Variants in DLGAP2 observed in about 807,000 individuals in gnomAD.
The protein encoded by DLGAP2 is disks large-associated protein 2.
Under a neutral mutation model 100.3 loss-of-function variants are expected in DLGAP2, and 26 were observed. That is an observed-to-expected ratio of 0.26 (90% CI 0.19 to 0.36). The LOEUF (loss-of-function observed/expected upper bound fraction) is 0.36, where lower values mean the gene tolerates loss of function less well. Ranked by LOEUF, DLGAP2 falls within the 10% of genes least tolerant of loss-of-function variation. DLGAP2 has a pLI of 1.00. For synonymous variants in DLGAP2, 886 were observed against 630.1 expected, an observed-to-expected ratio of 1.41 and a Z score of -6.08; for missense variants, 1,858 against 1,453.2, an observed-to-expected ratio of 1.28 and a Z score of -4.53.
At chr8:1,337,825 A>G (rs1334722922) in intron 3 of DLGAP2, among the ~76,000 whole-genome samples, 3 of 152,234 alleles carry the variant, frequency 2.0e-5, no homozygotes, top group Non-Finnish European at 4.4e-5. Context: ...TGGGTTATAT[A>G]AAGAATTCTT....
At chr8:841,890 C>T (rs536400253) in intron 1 of DLGAP2, among the ~76,000 whole-genome samples, 11 of 152,258 alleles carry the variant, frequency 7.2e-5, no homozygotes, top group African/African-American at 1.4e-4. Flanking sequence ...TCCTGATTCT[C>T]GAGAGCACAG....
At chr8:754,427 T>C (rs1205565604) in intron 1 of DLGAP2, among the ~76,000 whole-genome samples, 1 of 152,226 alleles carries the variant, frequency 6.6e-6, no homozygotes, top group Non-Finnish European at 1.5e-5. Flanking sequence ...CCTGCCTTCC[T>C]CTGTGCCCAT....
intron 2 of DLGAP2, among the ~76,000 whole-genome samples, chr8:1,125,541 A>C (rs531172521): frequency 6.6e-6 from 1 of 152,248 alleles, no homozygotes; most frequent in African/African-American, 2.4e-5. Flanking sequence ...AAAACAACTC[A>C]ACTCTTAAAA....
At chr8:1,348,697 T>G (rs1169916079) in intron 3 of DLGAP2, among the ~76,000 whole-genome samples, 1 of 152,258 alleles carries the variant, frequency 6.6e-6, no homozygotes, top group African/African-American at 2.4e-5. Context: ...AGAGCTGCAT[T>G]GCTCTCATGG....
rs542804193 is a variant in DLGAP2, at chr8:1,311,325, G to A, written c.106+52442G>A. ...GAAAGAAATATCCAGAATCAGATAC[G>A]TTCACTGGTGAATTCCACCAAACAG... On this transcript the variant is annotated intron_variant, in intron 3 of 14. Coordinates refer to ENST00000637795, the MANE Select transcript of DLGAP2 (RefSeq NM_001346810.2). Among the ~76,000 whole-genome samples the A allele has an allele frequency of 3.9e-5, 6 of 152,266 alleles. No homozygotes were observed. In the South Asian group the frequency reaches 6.2e-4, roughly 16 times the overall value.
At chr8:1,233,184 CTGTT>C (rs1400831023) in intron 2 of DLGAP2, among the ~76,000 whole-genome samples, 1 of 152,192 alleles carries the variant, frequency 6.6e-6, no homozygotes, top group Non-Finnish European at 1.5e-5. Context: ...TTGTATTTAT[CTGTT>C]TGTCACTCAT....
At chr8:1,186,774 G>T (rs60985496) in intron 2 of DLGAP2, among the ~76,000 whole-genome samples, 22,334 of 152,058 alleles carry the variant, frequency 0.15, 3,594 homozygotes, top group African/African-American at 0.4. Context: ...GAGCTTGGAC[G>T]TGTCTGGAGG....
rs1295757862 is a variant in DLGAP2, at chr8:982,731, G to T, written c.73+74765G>T. ...TGAATGCTGCTGACCTAACCAATAA[G>T]TCTCTGCACTGTGCTCGGACCTAAA... On this transcript the variant is annotated intron_variant, in intron 2 of 14. Transcript: ENST00000637795. Among the ~76,000 whole-genome samples, 5 of 152,224 alleles carry T rather than the reference G, an allele frequency of 3.3e-5. No individual in the cohort carries two copies. The South Asian group carries it at 8.3e-4, about 25-fold the overall frequency.
intron 3 of DLGAP2, among the ~76,000 whole-genome samples, chr8:1,274,487 A>G (rs1186694893): frequency 6.7e-6 from 1 of 149,048 alleles, no homozygotes; most frequent in African/African-American, 2.4e-5. Flanking sequence ...ATAAACCATA[A>G]AATGAGTGAC....
intron 3 of DLGAP2, among the ~76,000 whole-genome samples, chr8:1,268,856 CAAA>C (rs1470758776): frequency 7.9e-5 from 12 of 152,170 alleles, no homozygotes; most frequent in Admixed American, 4.6e-4. Context: ...TTTTCAAAGA[CAAA>C]GAAGCTTTTA....
chr8:1,537,288 C>A (rs534706359), intron 4 of DLGAP2, among the ~76,000 whole-genome samples: 2 of 152,234 alleles, frequency 1.3e-5, no homozygotes, highest in African/African-American at 2.4e-5. Flanking sequence ...TGTGTGGTTA[C>A]ACATGTGCAC....
Position 1,156,652 on chromosome 8 carries a change from A to G in DLGAP2, c.74-102199A>G, listed in dbSNP as rs867552752. Among the ~76,000 whole-genome samples, 8 of 136,886 alleles carry G rather than the reference A, an allele frequency of 5.8e-5. No individual in the cohort carries two copies. The East Asian group carries it at 8.7e-4, about 15-fold the overall frequency. 89.8% of individuals were successfully genotyped at this position (136,886 alleles called of 152,430 possible). On this transcript the variant is annotated intron_variant, in intron 2 of 14. Transcript: ENST00000637795. ...GCCCAGCGCCCCGGCTCAGCGCCCC[A>G]GCCCAGCGCCCCAGCTTAGCGTCCC...
chr8:860,242 A>C (rs1008112253), intron 1 of DLGAP2, among the ~76,000 whole-genome samples: 1 of 152,182 alleles, frequency 6.6e-6, no homozygotes, highest in East Asian at 1.9e-4. Flanking sequence ...CCCACAGCTT[A>C]GAAATTAGAA....
At chr8:1,342,997 C>G (rs538677663) in intron 3 of DLGAP2, among the ~76,000 whole-genome samples, 1 of 152,186 alleles carries the variant, frequency 6.6e-6, no homozygotes, top group Non-Finnish European at 1.5e-5. Flanking sequence ...GTGCTGGGAG[C>G]ACAGAGATTA....
chr8:1,675,259 C>T (rs1166671436), intron 10 of DLGAP2, among the ~76,000 whole-genome samples: 3 of 152,224 alleles, frequency 2.0e-5, no homozygotes, highest in Non-Finnish European at 2.9e-5. Flanking sequence ...CTGTGCGGCA[C>T]CCGGCTCTGG....
At chr8:912,592 T>A (rs570048423) in intron 2 of DLGAP2, among the ~76,000 whole-genome samples, 1 of 152,022 alleles carries the variant, frequency 6.6e-6, no homozygotes, top group Non-Finnish European at 1.5e-5. Flanking sequence ...CTCCAGCTCA[T>A]TGGAGCCGGC....
At chr8:810,662 T>A (rs940975337) in intron 1 of DLGAP2, among the ~76,000 whole-genome samples, 2 of 152,212 alleles carry the variant, frequency 1.3e-5, no homozygotes, top group Admixed American at 1.3e-4. Context: ...GTAATTGAGT[T>A]TTCTTGTCCA....
intron 4 of DLGAP2, among the ~76,000 whole-genome samples, chr8:1,516,331 G>A (rs1800378733): frequency 6.6e-6 from 1 of 151,778 alleles, no homozygotes; most frequent in African/African-American, 2.4e-5. Context: ...GAGTGAATGA[G>A]TTCATGAATG....
chr8:1,569,534 A>T (rs988778984), intron 6 of DLGAP2, among the ~76,000 whole-genome samples: 6 of 152,154 alleles, frequency 3.9e-5, no homozygotes, highest in Non-Finnish European at 7.3e-5. Flanking sequence ...GTATCAACAC[A>T]TTTTTGCTGT....
Sources: gnomAD v4.1 joint callset for allele counts (sites outside exome capture counted in the v4.1 genomes callset) on GRCh38, gnomAD v4.1.1 for gene constraint, MANE v1.5 for transcripts, NCBI Gene and HGNC (gene_info 2026-07-23, HGNC 2026-07-21) for gene names.